Variants in ARHGAP17 observed in about 807,000 individuals in gnomAD.
ARHGAP17 encodes the protein Rho GTPase activating protein 17, also known as rho GTPase-activating protein 17.
A neutral mutation model predicts 99.5 loss-of-function variants in ARHGAP17; 57 were observed. The observed-to-expected ratio is 0.57, with a 90% CI of 0.46 to 0.71. ARHGAP17 has a LOEUF of 0.71. Among genes scored for constraint, ARHGAP17 ranks in the 30% least tolerant of loss-of-function variants. ARHGAP17 has a pLI of 0.00. For synonymous variants in ARHGAP17, 417 were observed against 429.6 expected, an observed-to-expected ratio of 0.97 and a Z score of 0.36; for missense variants, 1,000 against 1,122.4, an observed-to-expected ratio of 0.89 and a Z score of 1.56.
chr16:24,985,584 C>T (rs912669455), intron 1 of ARHGAP17, among the ~76,000 whole-genome samples: 2 of 152,210 alleles, frequency 1.3e-5, no homozygotes, highest in African/African-American at 4.8e-5. Context: ...TGTGATTACA[C>T]TGGGCCCACC....
intron 7 of ARHGAP17, among the ~76,000 whole-genome samples, chr16:24,960,413 C>T (rs1597409036): frequency 2.0e-5 from 3 of 152,124 alleles, no homozygotes; most frequent in South Asian, 2.1e-4. Flanking sequence ...GGCGTGGGGG[C>T]GGGCAGCTGT....
In ARHGAP17 at chr16:24,973,699, T is replaced by A. The variant is rs117817866; in HGVS notation, c.199-3119A>T. ...TGGGCCCCCCATAAAACCCTGTGCA[T>A]GTTTTATTGAGCATCTTGTTTTATA... is the stretch of plus-strand genomic sequence containing the variant. On this transcript the variant is annotated intron_variant, in intron 3 of 19. Transcript: ENST00000289968. Among the ~76,000 whole-genome samples the A allele has an allele frequency of 1.4e-4, 21 of 152,346 alleles. No homozygotes were observed. In the East Asian group the frequency reaches 3.9e-3, roughly 28 times the overall value.
intron 14 of ARHGAP17, among the ~76,000 whole-genome samples, chr16:24,945,342 G>T (rs1306755078): frequency 6.7e-6 from 1 of 150,034 alleles, no homozygotes; most frequent in Non-Finnish European, 1.5e-5. Context: ...AAGAAAGGAA[G>T]AAAGAAGAAG....
At chr16:25,009,345 C>A (rs547879244) in intron 1 of ARHGAP17, among the ~76,000 whole-genome samples, 1 of 132,554 alleles carries the variant, frequency 7.5e-6, no homozygotes, top group East Asian at 2.3e-4. Flanking sequence ...CCAGTCTGGG[C>A]GGCAGAGCGA....
chr16:25,014,020 G>C (rs895203808), intron 1 of ARHGAP17: 1 of 152,124 alleles, frequency 6.6e-6, no homozygotes, highest in East Asian at 1.9e-4. Flanking sequence ...CTGAAAATAA[G>C]AGTTAATTCT....
At chr16:24,998,009 G>A (rs187722236) in intron 1 of ARHGAP17, among the ~76,000 whole-genome samples, 18 of 152,152 alleles carry the variant, frequency 1.2e-4, no homozygotes, top group African/African-American at 1.7e-4. Flanking sequence ...CAGAGAAGAC[G>A]GAGGCTGAGG....
At chr16:24,977,463 A>G (rs1371454584) in intron 2 of ARHGAP17, 144 bp from the exon 3 acceptor site, 5 of 573,262 alleles carry the variant, frequency 8.7e-6, no homozygotes, top group Non-Finnish European at 1.5e-5. Context: ...GAGTGGCGCC[A>G]GTCAGTTTAC....
At chr16:25,003,156 A>G (rs1161307794) in intron 1 of ARHGAP17, among the ~76,000 whole-genome samples, 3 of 151,990 alleles carry the variant, frequency 2.0e-5, no homozygotes, top group African/African-American at 4.8e-5. Flanking sequence ...TGTATAACAA[A>G]ATTGTCTATT....
At chr16:24,998,819 T>C (rs558489006) in intron 1 of ARHGAP17, among the ~76,000 whole-genome samples, 9 of 152,094 alleles carry the variant, frequency 5.9e-5, no homozygotes, top group Non-Finnish European at 1.0e-4. Flanking sequence ...AAAGGCCAGG[T>C]AGACAGAGCC....
At chr16:24,966,191 C>T (rs1348162857) in intron 6 of ARHGAP17, among the ~76,000 whole-genome samples, 2 of 152,210 alleles carry the variant, frequency 1.3e-5, no homozygotes, top group Admixed American at 1.3e-4. Context: ...CTCTCAGCTA[C>T]ACAGGATTCC....
chr16:24,980,713 A>T (rs1370203410), intron 1 of ARHGAP17, among the ~76,000 whole-genome samples: 1 of 152,212 alleles, frequency 6.6e-6, no homozygotes, highest in East Asian at 1.9e-4. Context: ...TGAGATCGTC[A>T]TAGTTTCACC....
At chr16:24,971,937 G>A (rs994646622) in intron 3 of ARHGAP17, among the ~76,000 whole-genome samples, 2 of 152,204 alleles carry the variant, frequency 1.3e-5, no homozygotes, top group Non-Finnish European at 2.9e-5. Flanking sequence ...ACGGGCCAAT[G>A]GCTTATCTCA....
At chr16:24,997,866 G>A (rs1186399372) in intron 1 of ARHGAP17, among the ~76,000 whole-genome samples, 3 of 152,204 alleles carry the variant, frequency 2.0e-5, no homozygotes, top group Non-Finnish European at 4.4e-5. Context: ...ACATTCAGGT[G>A]GAGATATCCA....
At chr16:24,923,758 AGAGGAT>A (rs1455588377) in intron 19 of ARHGAP17, among the ~76,000 whole-genome samples, 7 of 150,550 alleles carry the variant, frequency 4.6e-5, no homozygotes, top group Non-Finnish European at 8.9e-5. Context: ...AGAGAGAAAC[AGAGGAT>A]GACCTCCAGT....
intron 12 of ARHGAP17, among the ~76,000 whole-genome samples, 174 bp from the exon 13 acceptor site, chr16:24,949,658 C>T (rs148930981): frequency 5.8e-4 from 88 of 152,332 alleles, no homozygotes; most frequent in African/African-American, 1.9e-3. Context: ...TTTAACTCTG[C>T]GCAGTTGGTT....
At chr16:24,983,045 C>A (rs2052751489) in intron 1 of ARHGAP17, among the ~76,000 whole-genome samples, 1 of 122,948 alleles carries the variant, frequency 8.1e-6, no homozygotes, top group Non-Finnish European at 1.6e-5. Context: ...CGTTCTGTCA[C>A]CCAGGCTGGA....
chr16:25,013,418 T>A (rs1004681136), intron 1 of ARHGAP17, among the ~76,000 whole-genome samples: 3 of 151,950 alleles, frequency 2.0e-5, no homozygotes, highest in African/African-American at 7.3e-5. Flanking sequence ...AGGCCAGGAG[T>A]TCGAGACCAC....
rs115103739 is a variant in ARHGAP17, at chr16:24,975,645, G to A, written c.198+1570C>T. On this transcript the variant is annotated intron_variant, in intron 3 of 19. Transcript: ENST00000289968. ...CCAGGGTGCCCCATAAAAGTCTGTAGGAAACATAAAAGGGTAACACAGATC... is the reference window on the plus strand; with the variant it reads ...CCAGGGTGCCCCATAAAAGTCTGTAAGAAACATAAAAGGGTAACACAGATC... Among the ~76,000 whole-genome samples, 767 of 152,248 alleles carry A rather than the reference G, an allele frequency of 5.0e-3. 6 individuals are homozygous for A. The highest frequency in any genetic ancestry group is 0.018 in the African/African-American group (736 of 41,532).
chr16:24,961,517 A>AAT (rs2051998690), intron 7 of ARHGAP17, among the ~76,000 whole-genome samples: 1 of 130,078 alleles, frequency 7.7e-6, no homozygotes, highest in Non-Finnish European at 1.6e-5. Flanking sequence ...AAAAAAAAAA[A>AAT]ATTTTTTTTT....
Sources: gnomAD v4.1 joint callset for allele counts (sites outside exome capture counted in the v4.1 genomes callset) on GRCh38, gnomAD v4.1.1 for gene constraint, MANE v1.5 for transcripts, NCBI Gene and HGNC (gene_info 2026-07-23, HGNC 2026-07-21) for gene names.